CHIC1: variants seen among roughly 807,000 people sequenced by gnomAD.
CHIC1 encodes cysteine-rich hydrophobic domain-containing protein 1.
A neutral mutation model predicts 18.5 loss-of-function variants in CHIC1; 7 were observed. That is an observed-to-expected ratio of 0.38 (90% CI 0.22 to 0.71). The LOEUF is 0.71. CHIC1 is among the 30% of genes least tolerant of loss of function. The probability of loss-of-function intolerance (pLI) is 0.49; values close to 1 mark genes in which losing one functional copy is unlikely to be tolerated. For missense variants in CHIC1, 159 were observed against 176.9 expected (o/e 0.90, Z 0.57); for synonymous variants, 77 against 73.5 (o/e 1.05, Z -0.25).
intron 1 of CHIC1, among the ~76,000 whole-genome samples, chrX:73,571,837 C>A (rs1274353064): frequency 9.0e-6 from 1 of 110,860 alleles, no homozygotes; most frequent in Non-Finnish European, 1.9e-5. Context: ...AGGTATGTAT[C>A]TTGCTACTAG....
rs373617975 is a variant in CHIC1 at position 73,684,153 on chromosome X, T to C, written c.*3148T>C. The C allele has an allele frequency of 1.8e-5, 2 of 111,414 alleles. No homozygotes were observed. Among genetic ancestry groups the C allele is most frequent in the South Asian group, 3.7e-4 (1 of 2,671 alleles). 9.2% of individuals were successfully genotyped at this position (111,414 alleles called of 1,213,427 possible). Reference sequence around the variant, plus strand: ...TTTCCTTCCTTTTCCCCAATCATGATATATTAGTGACAAAATATTACAGAA... The same window carrying C: ...TTTCCTTCCTTTTCCCCAATCATGACATATTAGTGACAAAATATTACAGAA... On this transcript the variant is annotated 3_prime_UTR_variant, in exon 6 of 6. Coordinates refer to ENST00000373502, the MANE Select transcript of CHIC1 (RefSeq NM_001039840.4).
Position 73,683,263 on chromosome X carries a change from G to A in CHIC1, c.*2258G>A, listed in dbSNP as rs904009701. ...ATTTTAAAGCCTATTCTAATCACTC[G>A]AGTTTATTATTTTATTGTTCGCTAT... On this transcript the variant is annotated 3_prime_UTR_variant, in exon 6 of 6. Transcript: ENST00000373502. The A allele has an allele frequency of 1.4e-4, 16 of 111,369 alleles. No homozygotes were observed. The highest frequency in any genetic ancestry group is 4.9e-4 in the African/African-American group (15 of 30,802). 9.2% of individuals were successfully genotyped at this position (111,369 alleles called of 1,213,427 possible).
intron 3 of CHIC1, among the ~76,000 whole-genome samples, chrX:73,620,314 T>C (rs955680392): frequency 8.9e-6 from 1 of 112,023 alleles, no homozygotes; most frequent in Admixed American, 9.4e-5. Context: ...TAATTTACAC[T>C]CCCACCAACA....
At chrX:73,584,698 A>G in intron 3 of CHIC1, 126 bp downstream of exon 3, 1 of 486,782 alleles carries the variant, frequency 2.1e-6, no homozygotes, top group Non-Finnish European at 3.1e-6. Context: ...TGCTATCTTT[A>G]TTTTAGAGAT....
chrX:73,666,246 A>G (rs1331295475), intron 3 of CHIC1, among the ~76,000 whole-genome samples: 1 of 111,744 alleles, frequency 8.9e-6, no homozygotes, highest in Non-Finnish European at 1.9e-5. Flanking sequence ...TTAGGAGTAC[A>G]TTGTTCAGTT....
At chrX:73,660,514 TG>T (rs1374883051) in intron 3 of CHIC1, among the ~76,000 whole-genome samples, 1 of 111,919 alleles carries the variant, frequency 8.9e-6, no homozygotes, top group African/African-American at 3.3e-5. Context: ...CGAGTTGCAG[TG>T]TACAACAGAG....
intron 3 of CHIC1, among the ~76,000 whole-genome samples, chrX:73,624,650 A>G (rs1040364225): frequency 6.4e-5 from 7 of 109,603 alleles, no homozygotes; most frequent in African/African-American, 1.4e-4. Context: ...TGTTTCCTGG[A>G]TAGCAGAGAC....
At chrX:73,650,422 T>C (rs2057910231) in intron 3 of CHIC1, among the ~76,000 whole-genome samples, 1 of 108,489 alleles carries the variant, frequency 9.2e-6, no homozygotes, top group Non-Finnish European at 1.9e-5. Context: ...ATTAACAAAA[T>C]AGACTGGTAG....
intron 3 of CHIC1, among the ~76,000 whole-genome samples, chrX:73,607,585 T>C (rs1402357207): frequency 9.2e-6 from 1 of 108,892 alleles, no homozygotes; most frequent in Non-Finnish European, 1.9e-5. Flanking sequence ...CCACCTAGTT[T>C]TTGGCTTGAA....
Position 73,683,029 on chromosome X carries a change from T to C in CHIC1, c.*2024T>C, listed in dbSNP as rs1311341519. 9.0e-6 allele frequency: 1 copy of C among 111,367 alleles called. No individual in the cohort carries two copies. The highest frequency in any genetic ancestry group is 1.9e-5 in the Non-Finnish European group (1 of 52,779). The allele number at this position is 111,367 out of a possible 1,213,427, so 9.2% of individuals were successfully genotyped here. On this transcript the variant is annotated 3_prime_UTR_variant, in exon 6 of 6. Transcript: ENST00000373502. ...GAAATCTTATTTTTTTCTATAACCT[T>C]AGAATTTGATCATATGATGGTCATA...
intron 3 of CHIC1, among the ~76,000 whole-genome samples, chrX:73,614,049 G>C (rs999250554): frequency 4.5e-5 from 5 of 111,837 alleles, no homozygotes; most frequent in African/African-American, 1.6e-4. Flanking sequence ...TTTGTTGGAT[G>C]GGTCTAGTAG....
At chrX:73,642,598 C>T (rs1220128392) in intron 3 of CHIC1, among the ~76,000 whole-genome samples, 1 of 106,238 alleles carries the variant, frequency 9.4e-6, no homozygotes, top group East Asian at 2.9e-4. Flanking sequence ...CTTGCCCATG[C>T]CTATGTCCTG....
chrX:73,597,637 G>A (rs1373390575), intron 3 of CHIC1, among the ~76,000 whole-genome samples: 17 of 101,135 alleles, frequency 1.7e-4, no homozygotes, highest in Admixed American at 6.6e-4. Context: ...ATATATATAC[G>A]CACTATAAGT....
intron 1 of CHIC1, among the ~76,000 whole-genome samples, chrX:73,564,357 G>T (rs2057434325): frequency 8.9e-6 from 1 of 111,814 alleles, no homozygotes; most frequent in East Asian, 2.8e-4. Context: ...AAATATACAG[G>T]CATTAAATAT....
intron 3 of CHIC1, among the ~76,000 whole-genome samples, chrX:73,673,495 A>T (rs2058043275): frequency 9.0e-6 from 1 of 111,400 alleles, no homozygotes; most frequent in Non-Finnish European, 1.9e-5. Flanking sequence ...TAGGTATTTT[A>T]TTCTCTTTGA....
At chrX:73,568,591 T>A (rs1250745404) in intron 1 of CHIC1, among the ~76,000 whole-genome samples, 3 of 111,357 alleles carry the variant, frequency 2.7e-5, no homozygotes, top group Non-Finnish European at 5.7e-5. Flanking sequence ...TCTAATGTAT[T>A]GAAATACAGA....
chrX:73,625,334 T>TA (rs1207939214), intron 3 of CHIC1, among the ~76,000 whole-genome samples: 1 of 111,424 alleles, frequency 9.0e-6, no homozygotes, highest in African/African-American at 3.3e-5. Flanking sequence ...TTTCAACATG[T>TA]GGTTCTCTGG....
intron 4 of CHIC1, 43 bp downstream of exon 4, chrX:73,679,425 C>A: frequency 2.2e-6 from 2 of 903,681 alleles, no homozygotes; most frequent in Non-Finnish European, 3.1e-6. Flanking sequence ...CATATATTTG[C>A]AGCATTAAAT....
intron 3 of CHIC1, among the ~76,000 whole-genome samples, chrX:73,653,194 A>T (rs1316584842): frequency 9.1e-6 from 1 of 109,437 alleles, no homozygotes; most frequent in Non-Finnish European, 1.9e-5. Flanking sequence ...GGACACAGGG[A>T]GGGGAACAAC....
Sources: gnomAD v4.1 joint callset for allele counts (sites outside exome capture counted in the v4.1 genomes callset) on GRCh38, gnomAD v4.1.1 for gene constraint, MANE v1.5 for transcripts, NCBI Gene and HGNC (gene_info 2026-07-23, HGNC 2026-07-21) for gene names.